Variants in FYN observed in about 807,000 individuals in gnomAD.
FYN encodes FYN proto-oncogene, Src family tyrosine kinase.
In FYN, 10 loss-of-function variants were observed where a neutral mutation model predicts 70.2. The ratio of observed to expected loss-of-function variants is 0.14; its 90% confidence interval spans 0.09 to 0.24. FYN has a LOEUF of 0.24. Ranked by LOEUF, FYN falls within the 10% of genes least tolerant of loss-of-function variation. FYN has a pLI of 1.00. For missense variants in FYN, 319 were observed against 673.1 expected (o/e 0.47, Z 5.82); for synonymous variants, 236 against 248.6 (o/e 0.95, Z 0.48).
intron 2 of FYN, among the ~76,000 whole-genome samples, chr6:111,830,148 C>T (rs767043505): frequency 1.1e-4 from 16 of 152,120 alleles, no homozygotes; most frequent in Non-Finnish European, 1.5e-4. Flanking sequence ...GCTGCCAAGT[C>T]GTGGGGACCC....
At chr6:111,820,224 T>C (rs1465918012) in intron 2 of FYN, 1 of 152,250 alleles carries the variant, frequency 6.6e-6, no homozygotes, top group Non-Finnish European at 1.5e-5. Flanking sequence ...AGATGCTGTG[T>C]TAAGGCAATT....
chr6:111,798,136 T>C (rs971095268), intron 2 of FYN, among the ~76,000 whole-genome samples: 3 of 152,140 alleles, frequency 2.0e-5, no homozygotes, highest in Non-Finnish European at 4.4e-5. Context: ...TTCTTCTTTA[T>C]AGCTTACCAA....
At chr6:111,805,603 C>T (rs941410245) in intron 2 of FYN, among the ~76,000 whole-genome samples, 4 of 152,092 alleles carry the variant, frequency 2.6e-5, no homozygotes, top group African/African-American at 7.2e-5. Flanking sequence ...CTCCTCCTAT[C>T]GGCTTCACAG....
chr6:111,797,729 T>C (rs28566870), intron 2 of FYN, among the ~76,000 whole-genome samples: 22,676 of 114,356 alleles, frequency 0.2, 2,762 homozygotes, highest in African/African-American at 0.35. Flanking sequence ...CACACACACA[T>C]GACACACCCC....
intron 12 of FYN, among the ~76,000 whole-genome samples, chr6:111,690,710 T>C (rs1241075436): frequency 6.6e-6 from 1 of 152,230 alleles, no homozygotes; most frequent in Admixed American, 6.5e-5. Flanking sequence ...TTTCACTTAA[T>C]CTTTGCAAAA....
At chr6:111,718,400 C>T (rs1247329331) in intron 4 of FYN, among the ~76,000 whole-genome samples, 1 of 152,166 alleles carries the variant, frequency 6.6e-6, no homozygotes, top group African/African-American at 2.4e-5. Flanking sequence ...GATCAGGTAG[C>T]CTCTTAAACA....
intron 2 of FYN, among the ~76,000 whole-genome samples, chr6:111,844,018 T>C (rs1431157270): frequency 6.6e-6 from 1 of 151,708 alleles, no homozygotes; most frequent in Non-Finnish European, 1.5e-5. Flanking sequence ...CAAAGTAAGG[T>C]GGGGTATGGG....
At chr6:111,669,420 G>A (rs1798160255) in intron 13 of FYN, among the ~76,000 whole-genome samples, 1 of 113,784 alleles carries the variant, frequency 8.8e-6, no homozygotes, top group Admixed American at 1.3e-4. Flanking sequence ...GGCTGACAGA[G>A]CAAGATTCCA....
chr6:111,710,847 G>T (rs1338598036), intron 5 of FYN, among the ~76,000 whole-genome samples: 1 of 152,174 alleles, frequency 6.6e-6, no homozygotes, highest in Non-Finnish European at 1.5e-5. Flanking sequence ...TGGGTAATTA[G>T]CATTGTTAAA....
intron 5 of FYN, chr6:111,709,167 A>G (rs1055940472): frequency 3.3e-5 from 5 of 151,124 alleles, no homozygotes; most frequent in African/African-American, 4.9e-5. Context: ...CCTTGGAGGC[A>G]GCAAGCAAAA....
intron 3 of FYN, among the ~76,000 whole-genome samples, chr6:111,720,839 G>A (rs954206752): frequency 4.0e-5 from 6 of 151,728 alleles, no homozygotes; most frequent in South Asian, 4.2e-4. Context: ...TTAAAAACTC[G>A]AGTTGTTGCC....
chr6:111,795,259 G>A lies in FYN; in HGVS notation c.-81-14624C>T, dbSNP rs556817541. ...ATATGGGCAGACCACAACTCAATAT[G>A]ACTAGTATCCCTATAAGAGGAGGAG... On this transcript the variant is annotated intron_variant, in intron 2 of 13. Transcript: ENST00000354650. 5.9e-5 allele frequency among the ~76,000 whole-genome samples: 9 copies of A among 152,264 alleles called. No homozygotes were observed. In the South Asian group the frequency reaches 1.9e-3, roughly 32 times the overall value.
intron 8 of FYN, among the ~76,000 whole-genome samples, chr6:111,701,468 T>C (rs377536061): frequency 1.4e-4 from 21 of 152,190 alleles, no homozygotes; most frequent in African/African-American, 4.8e-4. Flanking sequence ...AAATTATTTA[T>C]GTGTCAGCAT....
Position 111,821,511 on chromosome 6 carries a change from G to C in FYN, c.-82+25078C>G, listed in dbSNP as rs185638788. 3.0e-3 allele frequency among the ~76,000 whole-genome samples: 463 copies of C among 152,192 alleles called. 1 individual carries two copies. The highest frequency in any genetic ancestry group is 0.01 in the African/African-American group (435 of 41,498). ...AGATGGATTAAAGACTTACATGTTA[G>C]ACCTAAAACCATAAAAACCCTAGAA... is the stretch of plus-strand genomic sequence containing the variant. On this transcript the variant is annotated intron_variant, in intron 2 of 13. Transcript: ENST00000354650.
chr6:111,801,856 C>T lies in FYN; in HGVS notation c.-81-21221G>A, dbSNP rs118127397. Among the ~76,000 whole-genome samples the T allele has an allele frequency of 5.9e-3, 900 of 152,326 alleles. 2 individuals carry two copies. The highest frequency in any genetic ancestry group is 8.2e-3 in the Non-Finnish European group (560 of 68,038). ...TTGCCTCCATCTCAGCTCCCCACAA[C>T]TCCTGGCTTAAATCTGTTAGGCACC... On this transcript the variant is annotated intron_variant, in intron 2 of 13. Coordinates refer to ENST00000354650, the MANE Select transcript of FYN (RefSeq NM_002037.5).
chr6:111,775,617 G>A (rs1770901113), intron 3 of FYN, among the ~76,000 whole-genome samples: 1 of 152,178 alleles, frequency 6.6e-6, no homozygotes, highest in South Asian at 2.1e-4. Context: ...AACCTCAAAT[G>A]GAACTGTAAG....
intron 1 of FYN, among the ~76,000 whole-genome samples, chr6:111,871,411 T>C (rs897606474): frequency 1.3e-5 from 2 of 152,272 alleles, no homozygotes; most frequent in Non-Finnish European, 2.9e-5. Flanking sequence ...TTGCAGTTGC[T>C]TGGGTGGTGA....
intron 13 of FYN, among the ~76,000 whole-genome samples, chr6:111,667,988 T>A (rs924188902): frequency 2.0e-5 from 3 of 152,224 alleles, no homozygotes; most frequent in Non-Finnish European, 4.4e-5. Flanking sequence ...AACTGAGCTT[T>A]CCGTTCAAAG....
At chr6:111,662,016 C>A (rs1193527740) in intron 13 of FYN, 69 bp from the exon 14 acceptor site, 5 of 1,301,756 alleles carry the variant, frequency 3.8e-6, no homozygotes, top group Non-Finnish European at 5.3e-6. Context: ...ACTTGCAGAT[C>A]CCCTTTCTTC....
Sources: allele counts gnomAD v4.1 joint callset (sites outside exome capture counted in the v4.1 genomes callset), GRCh38; gene constraint gnomAD v4.1.1; transcripts MANE v1.5; gene names NCBI Gene and HGNC (gene_info 2026-07-23, HGNC 2026-07-21).